Variants in ERI3 observed in about 807,000 individuals in gnomAD.
ERI3 encodes the protein ERI1 exoribonuclease family member 3, also known as ERI1 exoribonuclease 3.
Under a neutral mutation model 44.4 loss-of-function variants are expected in ERI3, and 18 were observed. The ratio of observed to expected loss-of-function variants is 0.41; its 90% CI spans 0.28 to 0.60. The LOEUF (loss-of-function observed/expected upper bound fraction) is 0.60. Among genes scored for constraint, ERI3 ranks in the 20% least tolerant of loss-of-function variants. ERI3 has a pLI of 0.36. For synonymous variants in ERI3, 183 were observed against 164.8 expected, an observed-to-expected ratio of 1.11 and a Z score of -0.84; for missense variants, 294 against 435.5, an observed-to-expected ratio of 0.68 and a Z score of 2.89.
At chr1:44,261,645 A>G (rs1644896392) in intron 7 of ERI3, among the ~76,000 whole-genome samples, 1 of 152,236 alleles carries the variant, frequency 6.6e-6, no homozygotes, top group Non-Finnish European at 1.5e-5. Context: ...GCGCCCCGCT[A>G]TGCGCTCCGC....
At position 44,354,933 on chromosome 1, in the gene ERI3, G is replaced by A. The variant is rs1341440730; in HGVS notation, c.94C>T (p.Pro32Ser). 1 of 1,332,526 alleles carries A rather than the reference G, an allele frequency of 7.5e-7. No individual in the cohort carries two copies. The highest frequency in any genetic ancestry group is 9.7e-7 in the Non-Finnish European group (1 of 1,033,360). 82.5% of individuals were successfully genotyped at this position (1,332,526 alleles called of 1,614,324 possible). ...CAACTCGGGCCCATCCAAGTCCAGG[G>A]GAGAGTAAGGGGAGGGGCGGGGGGC... is the stretch of plus-strand genomic sequence containing the variant. The part of the protein sequence containing the change: ...SWPPAPPLTL[P>S]WTWMGPSWGQ... Residue 32 changes from proline (P) to serine (S), a missense_variant, in exon 1 of 9, where the codon CCC (proline) becomes TCC (serine). Transcript: ENST00000372257.
At chr1:44,269,508 G>A (rs922084984) in intron 7 of ERI3, among the ~76,000 whole-genome samples, 2 of 152,170 alleles carry the variant, frequency 1.3e-5, no homozygotes, top group Non-Finnish European at 2.9e-5. Context: ...ACATACTCAA[G>A]CCTGCACAGA....
chr1:44,299,973 C>A (rs1442921860), intron 6 of ERI3, among the ~76,000 whole-genome samples: 8 of 152,118 alleles, frequency 5.3e-5, no homozygotes, highest in Non-Finnish European at 1.2e-4. Flanking sequence ...CAGGCAGAGA[C>A]CGGCTGAGTT....
chr1:44,295,666 C>T (rs1645595244), intron 6 of ERI3, among the ~76,000 whole-genome samples: 1 of 152,220 alleles, frequency 6.6e-6, no homozygotes, highest in Admixed American at 6.5e-5. Context: ...ATATATAGCA[C>T]ATGACACTCT....
chr1:44,296,112 T>C (rs1645605816), intron 6 of ERI3, among the ~76,000 whole-genome samples: 1 of 152,114 alleles, frequency 6.6e-6, no homozygotes, highest in South Asian at 2.1e-4. Flanking sequence ...GAAAGGAAGG[T>C]AGCAATGAGC....
chr1:44,334,472 T>A (rs112235617), intron 3 of ERI3, among the ~76,000 whole-genome samples: 60 of 152,312 alleles, frequency 3.9e-4, no homozygotes, highest in African/African-American at 1.4e-3. Flanking sequence ...GATAAAAAAC[T>A]GCTTCTATGT....
chr1:44,275,864 C>T (rs959021294), intron 7 of ERI3, among the ~76,000 whole-genome samples: 6 of 152,184 alleles, frequency 3.9e-5, no homozygotes, highest in Non-Finnish European at 7.3e-5. Context: ...TCCCTCAGTC[C>T]ATTTTGTGTT....
chr1:44,284,754 T>C (rs1645357102), intron 7 of ERI3, 81 bp downstream of exon 7: 2 of 1,031,542 alleles, frequency 1.9e-6, no homozygotes, highest in South Asian at 1.3e-5. Flanking sequence ...AGAACAGATA[T>C]AAGAAAAGAA....
chr1:44,313,285 C>A (rs199851642), intron 4 of ERI3, 57 bp from the exon 5 acceptor site: 5 of 1,498,716 alleles, frequency 3.3e-6, no homozygotes, highest in Non-Finnish European at 4.6e-6. Flanking sequence ...GGACTCAAGG[C>A]TGAACAGGAC....
chr1:44,222,409 G>A (rs893158921), intron 8 of ERI3, among the ~76,000 whole-genome samples: 1 of 152,222 alleles, frequency 6.6e-6, no homozygotes, highest in Non-Finnish European at 1.5e-5. Context: ...GTGGGTGCTA[G>A]TCACCTTTTT....
chr1:44,346,471 G>C (rs1051801430), intron 2 of ERI3, among the ~76,000 whole-genome samples: 1 of 152,226 alleles, frequency 6.6e-6, no homozygotes, highest in Non-Finnish European at 1.5e-5. Flanking sequence ...AAAGCTTGAA[G>C]ACATCTTTTT....
intron 8 of ERI3, among the ~76,000 whole-genome samples, chr1:44,222,985 C>G (rs1391741961): frequency 2.0e-5 from 3 of 152,252 alleles, no homozygotes; most frequent in Non-Finnish European, 4.4e-5. Flanking sequence ...AGTCTCTGAT[C>G]AGCCCAGGCC....
rs1355596460 is a variant in ERI3 at position 44,228,908 on chromosome 1, A to C, written c.932-7268T>G. 1.3e-5 allele frequency among the ~76,000 whole-genome samples: 2 copies of C among 152,232 alleles called. No individual in the cohort carries two copies. The highest frequency in any genetic ancestry group is 1.3e-4 in the Admixed American group (2 of 15,286). ...AAGACAAACCCTTATCCAGACTCCC[A>C]GGCCTGGCAGGACATGTCAACGTCA... On this transcript the variant is annotated intron_variant, in intron 8 of 8. Coordinates refer to ENST00000372257, the MANE Select transcript of ERI3 (RefSeq NM_024066.3). This position sits in a 1 kb window ranked among gnomAD's most constrained non-coding sequence, Gnocchi z 4.3.
At position 44,308,357 on chromosome 1, in the gene ERI3, G is replaced by C; in HGVS notation, c.711C>G (p.Asn237Lys). ...WMAKEGLLDP[N>K]VKSIFVTCGD... ...CACAGGTGACAAAAATTGACTTGAC[G>C]TTTGGATCTAAGAGGCCTTCCTTCG... Residue 237 changes from asparagine (N) to lysine (K), a missense_variant, in exon 6 of 9, where the codon AAC (asparagine) becomes AAG (lysine). By Grantham distance (94) the Asn-to-Lys change is moderately conservative. Transcript: ENST00000372257. 2 of 1,614,130 alleles carry C rather than the reference G, an allele frequency of 1.2e-6. No homozygotes were observed. The highest frequency in any genetic ancestry group is 1.7e-6 in the Non-Finnish European group (2 of 1,179,998).
At chr1:44,314,276 A>T (rs903905500) in intron 4 of ERI3, among the ~76,000 whole-genome samples, 4 of 152,174 alleles carry the variant, frequency 2.6e-5, no homozygotes, top group African/African-American at 9.7e-5. Flanking sequence ...CTTACATGGA[A>T]TGGTAATATA....
chr1:44,284,090 G>C (rs1415313593), intron 7 of ERI3: 1 of 470,836 alleles, frequency 2.1e-6, no homozygotes, highest in Middle Eastern at 3.3e-4. Context: ...AATGATTTAT[G>C]GGGGTGAGTC....
At chr1:44,277,185 T>G (rs1645196438) in intron 7 of ERI3, among the ~76,000 whole-genome samples, 1 of 152,192 alleles carries the variant, frequency 6.6e-6, no homozygotes, top group South Asian at 2.1e-4. Context: ...CTACCTCCAT[T>G]TGTGCCCATC....
chr1:44,257,817 A>C (rs1475742365), intron 7 of ERI3, among the ~76,000 whole-genome samples: 5 of 152,134 alleles, frequency 3.3e-5, no homozygotes, highest in Non-Finnish European at 7.4e-5. Context: ...TAGCTGACCA[A>C]ACCCAACTCC....
intron 7 of ERI3, among the ~76,000 whole-genome samples, chr1:44,279,219 T>C (rs1317013899): frequency 7.5e-6 from 1 of 133,742 alleles, no homozygotes; most frequent in Non-Finnish European, 1.8e-5. Context: ...CACAGACCAA[T>C]AACACTGCCA....
Sources: gnomAD v4.1 joint callset for allele counts (sites outside exome capture counted in the v4.1 genomes callset) on GRCh38, gnomAD v4.1.1 for gene constraint, Gnocchi (gnomAD v3.1) non-coding constraint, MANE v1.5 for transcripts, NCBI Gene and HGNC (gene_info 2026-07-23, HGNC 2026-07-21) for gene names.